Variants in MIPOL1 observed in about 807,000 individuals in gnomAD.
MIPOL1 encodes the protein mirror-image polydactyly 1.
MIPOL1 carries 57 observed loss-of-function variants against 60.9 expected under a neutral mutation model. The observed-to-expected ratio is 0.94, with a 90% confidence interval of 0.76 to 1.17. The LOEUF (loss-of-function observed/expected upper bound fraction) is 1.17, where lower values mean the gene tolerates loss of function less well. MIPOL1 is among the 50% of genes most tolerant of loss of function. The pLI, the probability that MIPOL1 is intolerant of heterozygous loss-of-function variation, is 0.00. For missense variants in MIPOL1, 551 were observed against 511.6 expected, an observed-to-expected ratio of 1.08 and a Z score of -0.74; for synonymous variants, 179 against 168.8, an observed-to-expected ratio of 1.06 and a Z score of -0.47.
chr14:37,361,059 C>T (rs1291148361), intron 9 of MIPOL1, among the ~76,000 whole-genome samples: 2 of 152,114 alleles, frequency 1.3e-5, no homozygotes, highest in African/African-American at 2.4e-5. Flanking sequence ...TTTGTTTCTG[C>T]CTTCATTTCA....
At chr14:37,262,537 C>G (rs1279560522) in intron 3 of MIPOL1, among the ~76,000 whole-genome samples, 1 of 152,048 alleles carries the variant, frequency 6.6e-6, no homozygotes, top group East Asian at 1.9e-4. Context: ...TAAGGTGTAA[C>G]CTTCTTTTCT....
rs578073885 is a variant in MIPOL1, at chr14:37,413,649, TG to T, written c.937-9203del. ...TTCACAGGTTCTGGGGAATAGGATG[TG>T]GGCCACTTTGGGAGACATTATTCTG... On this transcript the variant is annotated intron_variant, in intron 10 of 12. Coordinates refer to ENST00000684589, the MANE Select transcript of MIPOL1 (RefSeq NM_001388067.1). Among the ~76,000 whole-genome samples, 212 of 152,304 alleles carry T rather than the reference TG, an allele frequency of 1.4e-3. 1 individual carries two copies. The highest frequency in any genetic ancestry group is 1.7e-3 in the Admixed American group (26 of 15,286).
At chr14:37,286,420 C>T (rs937098217) in intron 7 of MIPOL1, among the ~76,000 whole-genome samples, 7 of 152,128 alleles carry the variant, frequency 4.6e-5, no homozygotes, top group African/African-American at 1.7e-4. Flanking sequence ...AACAAGCTCC[C>T]AGATGTTACA....
At chr14:37,238,082 T>G (rs1343684695) in intron 1 of MIPOL1, among the ~76,000 whole-genome samples, 1 of 152,186 alleles carries the variant, frequency 6.6e-6, no homozygotes, top group Non-Finnish European at 1.5e-5. Flanking sequence ...TCCTCCTTCC[T>G]TGGTCGCCAA....
At chr14:37,313,870 G>A (rs1465004760) in intron 9 of MIPOL1, among the ~76,000 whole-genome samples, 3 of 152,140 alleles carry the variant, frequency 2.0e-5, no homozygotes, top group Non-Finnish European at 4.4e-5. Context: ...AGGCAAAGCA[G>A]AAACTAGCAC....
chr14:37,246,621 G>C (rs1185749195), intron 1 of MIPOL1, among the ~76,000 whole-genome samples: 1 of 152,018 alleles, frequency 6.6e-6, no homozygotes, highest in Non-Finnish European at 1.5e-5. Flanking sequence ...CAGTATATTT[G>C]TTGCTTGCTT....
chr14:37,199,169 A>G (rs567878885), intron 1 of MIPOL1, among the ~76,000 whole-genome samples: 1 of 152,322 alleles, frequency 6.6e-6, no homozygotes, highest in African/African-American at 2.4e-5. Context: ...TCGTAAGTGT[A>G]CAGCTCGGTG....
chr14:37,501,495 T>G (rs1425304241), intron 12 of MIPOL1: 1 of 152,238 alleles, frequency 6.6e-6, no homozygotes, highest in Non-Finnish European at 1.5e-5. Context: ...TTCGGATGTG[T>G]TATCAACCTT....
intron 6 of MIPOL1, among the ~76,000 whole-genome samples, chr14:37,273,948 A>G (rs541587599): frequency 8.6e-5 from 13 of 151,598 alleles, no homozygotes; most frequent in African/African-American, 2.9e-4. Flanking sequence ...TAAATCTTTG[A>G]TGTCATCATT....
At chr14:37,317,842 A>G (rs1442787003) in intron 9 of MIPOL1, among the ~76,000 whole-genome samples, 1 of 152,194 alleles carries the variant, frequency 6.6e-6, no homozygotes, top group Non-Finnish European at 1.5e-5. Flanking sequence ...AATGATACAT[A>G]TTTTATCACA....
chr14:37,428,172 CAA>C (rs1197886053), intron 11 of MIPOL1, among the ~76,000 whole-genome samples: 1 of 152,124 alleles, frequency 6.6e-6, no homozygotes, highest in Non-Finnish European at 1.5e-5. Flanking sequence ...TGTGAAGCAG[CAA>C]AAGAGAAAAC....
rs75273827 is a variant in MIPOL1, at chr14:37,423,751, G to C, written c.1031+802G>C. On this transcript the variant is annotated intron_variant, in intron 11 of 12. Transcript: ENST00000684589. ...TTGTTTTAATTTGGACCTTTTCTCAGAATAAAGTTAAAATGCATAAAATGC... is the reference window on the plus strand; with the variant it reads ...TTGTTTTAATTTGGACCTTTTCTCACAATAAAGTTAAAATGCATAAAATGC... The C allele has an allele frequency of 1.2e-4, 19 of 152,144 alleles. No homozygotes were observed. The East Asian group carries it at 3.3e-3, about 26-fold the overall frequency. 9.4% of individuals were successfully genotyped at this position (152,144 alleles called of 1,614,324 possible).
At chr14:37,206,251 C>A (rs549929235) in intron 1 of MIPOL1, among the ~76,000 whole-genome samples, 1 of 152,186 alleles carries the variant, frequency 6.6e-6, no homozygotes, top group African/African-American at 2.4e-5. Flanking sequence ...GTCCCAGACA[C>A]GCCAGCCTTG....
intron 9 of MIPOL1, among the ~76,000 whole-genome samples, chr14:37,312,070 AG>A (rs1389197175): frequency 6.6e-6 from 1 of 152,036 alleles, no homozygotes; most frequent in Non-Finnish European, 1.5e-5. Context: ...GTTTTGGGAA[AG>A]AATACCACAG....
chr14:37,232,998 C>T (rs1446952293), intron 1 of MIPOL1, among the ~76,000 whole-genome samples: 3 of 152,104 alleles, frequency 2.0e-5, no homozygotes, highest in Non-Finnish European at 4.4e-5. Context: ...GTTTCATCAG[C>T]TTAGTGAGGC....
intron 1 of MIPOL1, among the ~76,000 whole-genome samples, chr14:37,234,704 C>T (rs952099850): frequency 7.2e-5 from 11 of 151,730 alleles, no homozygotes; most frequent in Admixed American, 2.6e-4. Flanking sequence ...ATATAGTAGG[C>T]TTCCATTCTA....
At chr14:37,289,206 A>G (rs944850724) in intron 7 of MIPOL1, among the ~76,000 whole-genome samples, 17 of 152,276 alleles carry the variant, frequency 1.1e-4, no homozygotes, top group African/African-American at 4.1e-4. Flanking sequence ...CTTTTCTCTT[A>G]TTCAACACAA....
chr14:37,371,698 C>T (rs2092644067), intron 10 of MIPOL1, among the ~76,000 whole-genome samples: 1 of 151,976 alleles, frequency 6.6e-6, no homozygotes, highest in Admixed American at 6.6e-5. Context: ...AATTTTATGC[C>T]ATATTTCCTC....
At chr14:37,226,402 A>G (rs1170723040) in intron 1 of MIPOL1, among the ~76,000 whole-genome samples, 2 of 152,232 alleles carry the variant, frequency 1.3e-5, no homozygotes, top group African/African-American at 4.8e-5. Context: ...AGGCCTCACA[A>G]TCATGGTAGA....
Sources: gnomAD v4.1 joint callset for allele counts (sites outside exome capture counted in the v4.1 genomes callset) on GRCh38, gnomAD v4.1.1 for gene constraint, MANE v1.5 for transcripts, NCBI Gene and HGNC (gene_info 2026-07-23, HGNC 2026-07-21) for gene names.